RAI1: variants seen among roughly 807,000 people sequenced by gnomAD.
RAI1 encodes retinoic acid-induced protein 1.
In RAI1, 9 loss-of-function variants were observed where a neutral mutation model predicts 123.8. That is an observed-to-expected ratio of 0.07 (90% CI 0.04 to 0.13). The LOEUF is 0.13. Ranked by LOEUF, RAI1 falls within the 10% of genes least tolerant of loss-of-function variation. The probability of loss-of-function intolerance (pLI) is 1.00; values close to 1 mark genes in which losing one functional copy is unlikely to be tolerated. For synonymous variants in RAI1, 1,231 were observed against 1,127.3 expected, an observed-to-expected ratio of 1.09 and a Z score of -1.84; for missense variants, 2,256 against 2,545.8, an observed-to-expected ratio of 0.89 and a Z score of 2.45.
intron 2 of RAI1, among the ~76,000 whole-genome samples, chr17:17,738,117 A>G (rs991907127): frequency 4.0e-5 from 6 of 151,056 alleles, no homozygotes; most frequent in Non-Finnish European, 8.8e-5. Context: ...TGGCCTGAGC[A>G]CTCAGTATGG....
rs185404728 is a variant in RAI1, at chr17:17,780,210, C to T, written c.-16-12723C>T. Among the ~76,000 whole-genome samples the T allele has an allele frequency of 4.5e-4, 69 of 151,786 alleles. 2 individuals are homozygous for T. In the East Asian group the frequency reaches 0.011, roughly 25 times the overall value. On this transcript the variant is annotated intron_variant, in intron 2 of 5. Coordinates refer to ENST00000353383, the MANE Select transcript of RAI1 (RefSeq NM_030665.4). The stretch of plus-strand genomic sequence containing the variant: ...CCTCCCGAGTAGCTGGAATTACAGG[C>T]GCATGCTACCATGTCAAGTTAATTT...
At chr17:17,792,270 G>T (rs1207703633) in intron 2 of RAI1, among the ~76,000 whole-genome samples, 1 of 152,078 alleles carries the variant, frequency 6.6e-6, no homozygotes, top group African/African-American at 2.4e-5. Flanking sequence ...GGAACAGACA[G>T]ATTCCAGATG....
At chr17:17,771,461 G>T (rs953205380) in intron 2 of RAI1, among the ~76,000 whole-genome samples, 13 of 152,204 alleles carry the variant, frequency 8.5e-5, no homozygotes, top group Non-Finnish European at 1.9e-4. Context: ...CTGAGGATGG[G>T]AGGGGAAGTG....
rs1174455031 is a variant in RAI1 at position 17,724,462 on chromosome 17, T to TC, written c.-17+309dup. ...GCCACAGTTTGGTTGTGCTGGGGAT[T>TC]CCCCCCTCCCCTTTCCTCCACAAAG... On this transcript the variant is annotated intron_variant, in intron 2 of 5. Coordinates refer to ENST00000353383, the MANE Select transcript of RAI1 (RefSeq NM_030665.4). 2.8e-5 allele frequency among the ~76,000 whole-genome samples: 4 copies of TC among 144,608 alleles called. No homozygotes were observed. The Admixed American group carries it at 2.9e-4, about 10-fold the overall frequency. 94.9% of individuals were successfully genotyped at this position (144,608 alleles called of 152,430 possible). A position where few individuals can be genotyped will look rare whatever the true frequency, so the allele number is the denominator to read the frequency against.
rs1472674218 is a variant in RAI1, at chr17:17,810,326, C to T, written c.*345C>T. The stretch of plus-strand genomic sequence containing the variant: ...GGCGAGGGTGGGAGACGGCTTTGTC[C>T]TGGGGACACTTTCCCTCTGGAATCT... On this transcript the variant is annotated 3_prime_UTR_variant, in exon 6 of 6. Transcript: ENST00000353383. The surrounding 1 kb of genome is among the most constrained non-coding windows in gnomAD (Gnocchi z 4.6). 7 of 400,924 alleles carry T rather than the reference C, an allele frequency of 1.7e-5. No homozygotes were observed. Among genetic ancestry groups the T allele is most frequent in the Non-Finnish European group, 3.1e-5 (7 of 223,562 alleles). The allele number at this position is 400,924 out of a possible 1,614,324, so 24.8% of individuals were successfully genotyped here. A position where few individuals can be genotyped will look rare whatever the true frequency, so the allele number is the denominator to read the frequency against.
chr17:17,687,804 C>A (rs1194193518), intron 1 of RAI1, among the ~76,000 whole-genome samples: 1 of 151,174 alleles, frequency 6.6e-6, no homozygotes, highest in African/African-American at 2.4e-5. Flanking sequence ...CCGAGGCAGG[C>A]GGATCACTTG....
intron 2 of RAI1, among the ~76,000 whole-genome samples, chr17:17,781,571 G>C (rs528825512): frequency 6.6e-6 from 1 of 151,982 alleles, no homozygotes; most frequent in South Asian, 2.1e-4. Flanking sequence ...GTGCTTGGCC[G>C]CAGGGGAAGG....
intron 2 of RAI1, among the ~76,000 whole-genome samples, chr17:17,759,981 G>A (rs2030619707): frequency 6.6e-6 from 1 of 152,190 alleles, no homozygotes; most frequent in Non-Finnish European, 1.5e-5. Context: ...AGGGCTTCCT[G>A]GAGGAGATGG....
intron 2 of RAI1, among the ~76,000 whole-genome samples, chr17:17,791,074 T>C (rs2031995581): frequency 6.6e-6 from 1 of 152,206 alleles, no homozygotes; most frequent in South Asian, 2.1e-4. Flanking sequence ...GGAGAGGAGC[T>C]GGAGCAGAGG....
At chr17:17,736,145 T>C (rs73981038) in intron 2 of RAI1, among the ~76,000 whole-genome samples, 107 of 152,258 alleles carry the variant, frequency 7.0e-4, no homozygotes, top group African/African-American at 2.6e-3. Flanking sequence ...GTGTGGGTAT[T>C]GACTGTGAAC....
rs3075548 is a variant in RAI1 at position 17,776,658 on chromosome 17, C to CTTTTTTTTTT, written c.-16-16257_-16-16248dup. The CTTTTTTTTTT allele has an allele frequency of 1.2e-3, 71 of 59,366 alleles. 2 individuals are homozygous for CTTTTTTTTTT. Among genetic ancestry groups the CTTTTTTTTTT allele is most frequent in the African/African-American group, 5.2e-3 (67 of 12,934 alleles). The allele number at this position is 59,366 out of a possible 1,614,324, so 3.7% of individuals were successfully genotyped here. ...GGCATGAGCCACCGTGCCTGGCTCA[C>CTTTTTTTTTT]TTTTTTTTTTTTTTTTTTTTTTTTT... On this transcript the variant is annotated intron_variant, in intron 2 of 5. Coordinates refer to ENST00000353383, the MANE Select transcript of RAI1 (RefSeq NM_030665.4).
chr17:17,711,552 C>T (rs1446044703), intron 1 of RAI1, among the ~76,000 whole-genome samples: 2 of 152,136 alleles, frequency 1.3e-5, no homozygotes, highest in Non-Finnish European at 2.9e-5. Context: ...GAGGTGTACA[C>T]GGGATGGACA....
chr17:17,710,262 A>C (rs935673945), intron 1 of RAI1, among the ~76,000 whole-genome samples: 1 of 152,176 alleles, frequency 6.6e-6, no homozygotes, highest in Non-Finnish European at 1.5e-5. Flanking sequence ...TTCAAGGAGA[A>C]GGGCTGCCTG....
chr17:17,766,337 G>A (rs1198134784), intron 2 of RAI1: 2 of 152,254 alleles, frequency 1.3e-5, no homozygotes, highest in African/African-American at 2.4e-5. Context: ...CTTTGTCGCA[G>A]ACACATGTGG....
rs1172216346 is a variant in RAI1 at position 17,735,375 on chromosome 17, C to T, written c.-17+11216C>T. On this transcript the variant is annotated intron_variant, in intron 2 of 5. Transcript: ENST00000353383. ...AGCCTTTTTTTTTTTTTTTTTGAGACGGGGTTTCACTCTTGTTACCCAGGC... is the reference window on the plus strand; with the variant it reads ...AGCCTTTTTTTTTTTTTTTTTGAGATGGGGTTTCACTCTTGTTACCCAGGC... Among the ~76,000 whole-genome samples, 10 of 125,314 alleles carry T rather than the reference C, an allele frequency of 8.0e-5. No homozygotes were observed. In the South Asian group the frequency reaches 1.0e-3, roughly 13 times the overall value. 82.2% of individuals were successfully genotyped at this position (125,314 alleles called of 152,430 possible).
intron 1 of RAI1, among the ~76,000 whole-genome samples, chr17:17,699,023 C>T (rs1357435195): frequency 6.6e-6 from 1 of 152,204 alleles, no homozygotes; most frequent in Admixed American, 6.5e-5. Flanking sequence ...GACAGGGAGT[C>T]CTGTGCTTAG....
At chr17:17,730,369 C>T (rs187908641) in intron 2 of RAI1, among the ~76,000 whole-genome samples, 74 of 152,358 alleles carry the variant, frequency 4.9e-4, no homozygotes, top group Non-Finnish European at 8.4e-4. Context: ...CACCCCTAGG[C>T]CCCGCAGGGC....
At chr17:17,760,805 C>A (rs1344601561) in intron 2 of RAI1, among the ~76,000 whole-genome samples, 3 of 152,034 alleles carry the variant, frequency 2.0e-5, no homozygotes, top group Non-Finnish European at 4.4e-5. Context: ...TGCCCAGGGC[C>A]AGGCCAAGAA....
intron 2 of RAI1, among the ~76,000 whole-genome samples, chr17:17,747,400 C>T (rs2029967355): frequency 6.6e-6 from 1 of 152,198 alleles, no homozygotes; most frequent in Non-Finnish European, 1.5e-5. Flanking sequence ...GGGCCAGTCC[C>T]TGTTGCTGGA....
Sources: allele counts gnomAD v4.1 joint callset (sites outside exome capture counted in the v4.1 genomes callset), GRCh38; gene constraint gnomAD v4.1.1; non-coding constraint Gnocchi (gnomAD v3.1); transcripts MANE v1.5; gene names NCBI Gene and HGNC (gene_info 2026-07-23, HGNC 2026-07-21).